Variants in WWOX observed in about 807,000 individuals in gnomAD.
WWOX encodes the protein WW domain-containing oxidoreductase.
WWOX carries 69 observed loss-of-function variants against 46.2 expected under a neutral mutation model. The ratio of observed to expected loss-of-function variants is 1.49; its 90% CI spans 1.23 to 1.82. The LOEUF (loss-of-function observed/expected upper bound fraction) is 1.82, where lower values mean the gene tolerates loss of function less well. WWOX is among the 40% of genes most tolerant of loss of function. The pLI is 0.00. For synonymous variants in WWOX, 359 were observed against 202.6 expected, an observed-to-expected ratio of 1.77 and a Z score of -6.56; for missense variants, 919 against 542.6, an observed-to-expected ratio of 1.69 and a Z score of -6.89.
intron 8 of WWOX, among the ~76,000 whole-genome samples, chr16:78,490,092 T>A (rs1252446245): frequency 1.3e-5 from 2 of 152,076 alleles, no homozygotes; most frequent in Non-Finnish European, 2.9e-5. Context: ...CTAGTTCTGT[T>A]TATTTTTAAC....
At chr16:78,783,594 G>A (rs1270604676) in intron 8 of WWOX, among the ~76,000 whole-genome samples, 1 of 152,224 alleles carries the variant, frequency 6.6e-6, no homozygotes, top group African/African-American at 2.4e-5. Flanking sequence ...TTGGGAAGGA[G>A]AGGAAGGAGT....
chr16:78,692,959 T>C (rs575267677), intron 8 of WWOX, among the ~76,000 whole-genome samples: 35 of 152,330 alleles, frequency 2.3e-4, no homozygotes, highest in Admixed American at 1.7e-3. Context: ...TTAAACACCC[T>C]TCTCTCCCTG....
At chr16:78,840,150 A>C (rs1363375080) in intron 8 of WWOX, among the ~76,000 whole-genome samples, 1 of 152,238 alleles carries the variant, frequency 6.6e-6, no homozygotes, top group East Asian at 1.9e-4. Flanking sequence ...CTGTTTGTGG[A>C]CATTGCCTCC....
intron 8 of WWOX, among the ~76,000 whole-genome samples, chr16:78,822,441 C>T (rs2051525778): frequency 6.6e-6 from 1 of 152,112 alleles, no homozygotes; most frequent in African/African-American, 2.4e-5. Flanking sequence ...TTGCAGTCAG[C>T]TGAGACTGCG....
chr16:78,415,019 G>A (rs983364794), intron 6 of WWOX, among the ~76,000 whole-genome samples: 7 of 150,978 alleles, frequency 4.6e-5, no homozygotes, highest in Non-Finnish European at 8.8e-5. Flanking sequence ...CAGCAACTTT[G>A]GCTGTTGGAC....
chr16:78,583,661 GC>G (rs1329953282), intron 8 of WWOX, among the ~76,000 whole-genome samples: 1 of 152,176 alleles, frequency 6.6e-6, no homozygotes, highest in African/African-American at 2.4e-5. Flanking sequence ...TCAATGTCAA[GC>G]CATCAGGCAG....
intron 8 of WWOX, among the ~76,000 whole-genome samples, chr16:78,913,181 G>C (rs546493119): frequency 1.3e-5 from 2 of 152,092 alleles, no homozygotes; most frequent in African/African-American, 4.8e-5. Flanking sequence ...AATATGAGGA[G>C]ATCCGAGACC....
chr16:78,472,085 G>A (rs1471543730), intron 8 of WWOX, among the ~76,000 whole-genome samples: 2 of 152,140 alleles, frequency 1.3e-5, no homozygotes, highest in African/African-American at 2.4e-5. Flanking sequence ...AGGCGCCTAT[G>A]CTTGCAGTAG....
intron 5 of WWOX, among the ~76,000 whole-genome samples, chr16:78,249,142 C>G (rs181752263): frequency 4.6e-5 from 7 of 152,068 alleles, no homozygotes; most frequent in Admixed American, 3.3e-4. Flanking sequence ...CGTGAGCCAC[C>G]GTGTCTGGCG....
chr16:78,518,126 TC>T (rs2043277157), intron 8 of WWOX, among the ~76,000 whole-genome samples: 1 of 152,102 alleles, frequency 6.6e-6, no homozygotes, highest in Non-Finnish European at 1.5e-5. Context: ...TTCATAAGAG[TC>T]ACATGAAATA....
intron 8 of WWOX, among the ~76,000 whole-genome samples, chr16:79,174,581 G>T (rs1322582381): frequency 1.3e-5 from 2 of 152,210 alleles, no homozygotes; most frequent in Non-Finnish European, 1.5e-5. Context: ...CTGGGAGACA[G>T]AGGTTTCAGT....
intron 8 of WWOX, among the ~76,000 whole-genome samples, chr16:78,774,578 A>C (rs1289288776): frequency 4.0e-5 from 6 of 150,040 alleles, no homozygotes; most frequent in African/African-American, 7.4e-5. Context: ...CTCCCCCCCC[A>C]CACATATGCA....
chr16:78,810,268 T>G (rs1307148054), intron 8 of WWOX, among the ~76,000 whole-genome samples: 2 of 152,226 alleles, frequency 1.3e-5, no homozygotes, highest in African/African-American at 4.8e-5. Flanking sequence ...GATCTGCAAT[T>G]TCCACCTGGA....
At chr16:78,937,819 G>C (rs762522309) in intron 8 of WWOX, among the ~76,000 whole-genome samples, 2 of 151,874 alleles carry the variant, frequency 1.3e-5, no homozygotes, top group Non-Finnish European at 2.9e-5. Context: ...ATAGAGGTCT[G>C]TTTTTACTAT....
chr16:78,919,399 C>G (rs1013372045), intron 8 of WWOX, among the ~76,000 whole-genome samples: 1 of 152,038 alleles, frequency 6.6e-6, no homozygotes, highest in Non-Finnish European at 1.5e-5. Context: ...GTGTATTTTG[C>G]TCCATGGTCT....
intron 5 of WWOX, among the ~76,000 whole-genome samples, chr16:78,319,242 G>A (rs912208630): frequency 1.1e-4 from 16 of 152,096 alleles, no homozygotes; most frequent in Admixed American, 3.9e-4. Context: ...GGATTCTACC[G>A]TAGAGCTACC....
chr16:79,074,581 T>G (rs1454093186), intron 8 of WWOX, among the ~76,000 whole-genome samples: 1 of 152,008 alleles, frequency 6.6e-6, no homozygotes, highest in Non-Finnish European at 1.5e-5. Flanking sequence ...AGTAGCATTC[T>G]ACACTTAAGT....
At chr16:78,126,485 A>G (rs967130225) in intron 4 of WWOX, among the ~76,000 whole-genome samples, 4 of 152,192 alleles carry the variant, frequency 2.6e-5, no homozygotes, top group African/African-American at 9.7e-5. Context: ...TTTGTTTTTT[A>G]ACGAATTGCC....
intron 5 of WWOX, among the ~76,000 whole-genome samples, chr16:78,376,452 G>A (rs1187148761): frequency 6.6e-6 from 1 of 152,106 alleles, no homozygotes; most frequent in African/African-American, 2.4e-5. Context: ...TTTGGGGCAC[G>A]TTTTCACTTT....
Sources: allele counts gnomAD v4.1 joint callset (sites outside exome capture counted in the v4.1 genomes callset), GRCh38; gene constraint gnomAD v4.1.1; transcripts MANE v1.5; gene names NCBI Gene and HGNC (gene_info 2026-07-23, HGNC 2026-07-21).